DDX10: variants seen among roughly 807,000 people sequenced by gnomAD.
DDX10 encodes the protein DEAD-box helicase 10, also known as probable ATP-dependent RNA helicase DDX10.
In DDX10, 74 loss-of-function variants were observed where a neutral mutation model predicts 104.3. The ratio of observed to expected loss-of-function variants is 0.71; its 90% CI spans 0.59 to 0.86. The LOEUF (loss-of-function observed/expected upper bound fraction) is 0.86. DDX10 is among the 40% of genes least tolerant of loss of function. DDX10 has a pLI of 0.00. For synonymous variants in DDX10, 351 were observed against 353.4 expected, an observed-to-expected ratio of 0.99 and a Z score of 0.08; for missense variants, 952 against 1,040.0, an observed-to-expected ratio of 0.92 and a Z score of 1.16.
intron 13 of DDX10, among the ~76,000 whole-genome samples, chr11:108,754,970 G>C (rs919733274): frequency 6.6e-6 from 1 of 152,018 alleles, no homozygotes; most frequent in Non-Finnish European, 1.5e-5. Context: ...TTCACTATTT[G>C]AGGAAATCTG....
At chr11:108,804,861 G>C (rs2134562005) in intron 13 of DDX10, among the ~76,000 whole-genome samples, 1 of 152,296 alleles carries the variant, frequency 6.6e-6, no homozygotes, top group South Asian at 2.1e-4. Flanking sequence ...TCAATATGAT[G>C]GAATGTGGAA....
chr11:108,856,684 A>C (rs1402470055), intron 16 of DDX10, among the ~76,000 whole-genome samples: 1 of 152,068 alleles, frequency 6.6e-6, no homozygotes, highest in Non-Finnish European at 1.5e-5. Context: ...AATACTGATA[A>C]TTTTTTAAAA....
In DDX10 at chr11:108,797,359, T is replaced by G. The variant is rs567058365; in HGVS notation, c.1966-41087T>G. On this transcript the variant is annotated intron_variant, in intron 13 of 17. Transcript: ENST00000322536. ...AACTTTTGTTCTTTATACATTAGTC[T>G]GTGGTATTCAATTACGGCAGCGCAA... 2.0e-4 allele frequency among the ~76,000 whole-genome samples: 31 copies of G among 152,344 alleles called. No homozygotes were observed. In the South Asian group the frequency reaches 6.4e-3, roughly 32 times the overall value.
At chr11:108,898,107 C>T (rs956696834) in intron 16 of DDX10, among the ~76,000 whole-genome samples, 1 of 152,132 alleles carries the variant, frequency 6.6e-6, no homozygotes, top group Non-Finnish European at 1.5e-5. Flanking sequence ...TTTGTATATA[C>T]AGTGCCTCCA....
chr11:108,776,341 A>G (rs1453915461), intron 13 of DDX10, among the ~76,000 whole-genome samples: 3 of 152,192 alleles, frequency 2.0e-5, no homozygotes, highest in Non-Finnish European at 4.4e-5. Flanking sequence ...GTGGAGGATT[A>G]TACAGATATC....
rs533430837 is a variant in DDX10, at chr11:108,912,039, C to T, written c.2305-5834C>T. On this transcript the variant is annotated intron_variant, in intron 16 of 17. Coordinates refer to ENST00000322536, the MANE Select transcript of DDX10 (RefSeq NM_004398.4). ...TCTTAAATATATTATGTACCTGTCT[C>T]AGTCACTTTGGGCTGCGGTAACAAA... Among the ~76,000 whole-genome samples, 6 of 152,280 alleles carry T rather than the reference C, an allele frequency of 3.9e-5. No homozygotes were observed. The South Asian group carries it at 6.2e-4, about 16-fold the overall frequency.
intron 13 of DDX10, chr11:108,822,341 G>T: frequency 2.8e-6 from 1 of 362,542 alleles, no homozygotes; most frequent in Non-Finnish European, 5.4e-6. Context: ...TATTACTGAT[G>T]AGTAGCGTTT....
At position 108,936,749 on chromosome 11, in the gene DDX10, G is replaced by A. The variant is rs118131906; in HGVS notation, c.2451-3497G>A. Among the ~76,000 whole-genome samples, 1,011 of 152,252 alleles carry A rather than the reference G, an allele frequency of 6.6e-3. 8 individuals carry two copies. Among genetic ancestry groups the A allele is most frequent in the Non-Finnish European group, 0.011 (748 of 68,020 alleles). On this transcript the variant is annotated intron_variant, in intron 17 of 17. Coordinates refer to ENST00000322536, the MANE Select transcript of DDX10 (RefSeq NM_004398.4). ...GATTTCTAACTTTCTGAAATTAAAA[G>A]TAGCTATCCCTTGAATATCCTTGTG...
chr11:108,742,779 GA>G (rs1342120702), intron 13 of DDX10, among the ~76,000 whole-genome samples: 1 of 152,100 alleles, frequency 6.6e-6, no homozygotes, highest in Non-Finnish European at 1.5e-5. Flanking sequence ...GCACAAACTG[GA>G]AAACCTAGAA....
At chr11:108,678,459 T>TAAAAA in intron 5 of DDX10, 24 bp downstream of exon 5, 1 of 1,191,970 alleles carries the variant, frequency 8.4e-7, no homozygotes, top group South Asian at 1.6e-5. Context: ...ATTTCTAATT[T>TAAAAA]AAAAAAAAAA....
chr11:108,925,533 G>A (rs1374420030), intron 17 of DDX10, among the ~76,000 whole-genome samples: 1 of 152,166 alleles, frequency 6.6e-6, no homozygotes, highest in Non-Finnish European at 1.5e-5. Flanking sequence ...AGACCTTTGT[G>A]AGTGACTTCT....
At chr11:108,671,843 A>T (rs1307631322) in intron 1 of DDX10, among the ~76,000 whole-genome samples, 1 of 152,006 alleles carries the variant, frequency 6.6e-6, no homozygotes. Flanking sequence ...GTGGATCACG[A>T]GGTCAGGAGA....
chr11:108,805,191 G>A (rs1862079509), intron 13 of DDX10, among the ~76,000 whole-genome samples: 1 of 152,234 alleles, frequency 6.6e-6, no homozygotes, highest in South Asian at 2.1e-4. Flanking sequence ...TAAACAGTAT[G>A]TTGCAGCATG....
At chr11:108,752,862 G>A (rs529420173) in intron 13 of DDX10, among the ~76,000 whole-genome samples, 11 of 151,970 alleles carry the variant, frequency 7.2e-5, no homozygotes, top group Non-Finnish European at 1.3e-4. Flanking sequence ...TATATTCCTC[G>A]GAGATTAAAT....
chr11:108,923,974 G>C (rs1003756201), intron 17 of DDX10, among the ~76,000 whole-genome samples: 3 of 151,964 alleles, frequency 2.0e-5, no homozygotes, highest in Non-Finnish European at 2.9e-5. Flanking sequence ...TCTTATAGCT[G>C]TGCTTCACAA....
At position 108,839,281 on chromosome 11, in the gene DDX10, A is replaced by G. The variant is rs143316458; in HGVS notation, c.2085+716A>G. ...CTCACCAGCGCAGGTTTTCCTGACT[A>G]TCCTCATATTAGCACAGAGCACCTT... On this transcript the variant is annotated intron_variant, in intron 14 of 17. Transcript: ENST00000322536. 3.9e-5 allele frequency among the ~76,000 whole-genome samples: 6 copies of G among 152,220 alleles called. No homozygotes were observed. The East Asian group carries it at 5.8e-4, about 15-fold the overall frequency.
intron 16 of DDX10, among the ~76,000 whole-genome samples, chr11:108,870,551 G>A (rs1279505184): frequency 6.6e-6 from 1 of 152,076 alleles, no homozygotes; most frequent in African/African-American, 2.4e-5. Context: ...TCTGGCCTTC[G>A]CTCTTGGTAT....
intron 13 of DDX10, among the ~76,000 whole-genome samples, chr11:108,763,694 T>A (rs1379549131): frequency 6.6e-6 from 1 of 152,224 alleles, no homozygotes; most frequent in African/African-American, 2.4e-5. Flanking sequence ...AATCTTTCAA[T>A]TGAATTGTGA....
At chr11:108,769,293 T>C (rs2094360013) in intron 13 of DDX10, among the ~76,000 whole-genome samples, 1 of 152,120 alleles carries the variant, frequency 6.6e-6, no homozygotes, top group Admixed American at 6.5e-5. Flanking sequence ...ATCTGTGCTT[T>C]CTTCTGTTTA....
Sources: gnomAD v4.1 joint callset for allele counts (sites outside exome capture counted in the v4.1 genomes callset) on GRCh38, gnomAD v4.1.1 for gene constraint, MANE v1.5 for transcripts, NCBI Gene and HGNC (gene_info 2026-07-23, HGNC 2026-07-21) for gene names.